The following FOCAD variants were observed in gnomAD, a reference collection of about 807,000 sequenced individuals.
FOCAD encodes the protein KIAA1797.
Under a neutral mutation model 225.6 loss-of-function variants are expected in FOCAD, and 198 were observed. That is an observed-to-expected ratio of 0.88 (90% CI 0.78 to 0.99). The LOEUF (loss-of-function observed/expected upper bound fraction) is 0.99. FOCAD is among the 50% of genes least tolerant of loss of function. FOCAD has a pLI of 0.00. For missense variants in FOCAD, 2,713 were observed against 2,123.6 expected, an observed-to-expected ratio of 1.28 and a Z score of -5.46; for synonymous variants, 897 against 755.0, an observed-to-expected ratio of 1.19 and a Z score of -3.08.
chr9:20,798,400 T>A (rs1216989424), intron 11 of FOCAD, among the ~76,000 whole-genome samples: 1 of 152,174 alleles, frequency 6.6e-6, no homozygotes, highest in Admixed American at 6.5e-5. Context: ...TTCTATTGAT[T>A]GGAATAGTTT....
intron 27 of FOCAD, 75 bp downstream of exon 27, chr9:20,929,671 A>G (rs1835286060): frequency 1.0e-5 from 12 of 1,157,820 alleles, no homozygotes; most frequent in Non-Finnish European, 1.5e-5. Context: ...ATATGCACCT[A>G]TATATAAACA....
At chr9:20,793,779 G>A (rs1269247839) in intron 11 of FOCAD, among the ~76,000 whole-genome samples, 4 of 152,190 alleles carry the variant, frequency 2.6e-5, no homozygotes, top group Non-Finnish European at 4.4e-5. Context: ...GAAGGGCTGT[G>A]AGAGGGGAAT....
intron 1 of FOCAD, among the ~76,000 whole-genome samples, chr9:20,694,887 G>A (rs1823229385): frequency 6.6e-6 from 1 of 152,024 alleles, no homozygotes; most frequent in Non-Finnish European, 1.5e-5. Context: ...TTTCTCAGTT[G>A]GGCCAAGATT....
chr9:20,687,941 A>C (rs1401414263), intron 1 of FOCAD, among the ~76,000 whole-genome samples: 1 of 152,222 alleles, frequency 6.6e-6, no homozygotes, highest in East Asian at 1.9e-4. Context: ...TTGAAGTTTG[A>C]AAGTGAGTAG....
chr9:20,692,533 T>C (rs1301513085), intron 1 of FOCAD, among the ~76,000 whole-genome samples: 1 of 152,196 alleles, frequency 6.6e-6, no homozygotes, highest in East Asian at 1.9e-4. Context: ...TTTGTGATTC[T>C]GTGGTTGGCA....
At chr9:20,770,289 C>G (rs556369166) in intron 8 of FOCAD, 51 bp downstream of exon 8, 7 of 1,476,716 alleles carry the variant, frequency 4.7e-6, no homozygotes, top group African/African-American at 1.4e-5. Flanking sequence ...TAAGAAATAC[C>G]TGAGACTTGG....
chr9:20,787,098 A>G (rs1820000955), intron 10 of FOCAD: 2 of 271,064 alleles, frequency 7.4e-6, no homozygotes, highest in South Asian at 7.2e-5. Context: ...AAACAAACAA[A>G]TAAACAAACA....
At position 20,995,687 on chromosome 9, in the gene FOCAD, A is replaced by G. The variant is rs1842009609; in HGVS notation, c.*58A>G. Reference sequence around the variant, plus strand: ...TGGATGAGGAAAACCATATAAGTGGAAGAAGTTTTTCAGAATTCATGCCTG... The same window carrying G: ...TGGATGAGGAAAACCATATAAGTGGGAGAAGTTTTTCAGAATTCATGCCTG... On this transcript the variant is annotated 3_prime_UTR_variant, in exon 44 of 44. Transcript: ENST00000338382. 6.6e-7 allele frequency: 1 copy of G among 1,516,830 alleles called. No individual in the cohort carries two copies. The highest frequency in any genetic ancestry group is 9.1e-7 in the Non-Finnish European group (1 of 1,094,680). The allele number at this position is 1,516,830 out of a possible 1,614,324, so 94.0% of individuals were successfully genotyped here.
rs765605850 is a variant in FOCAD, at chr9:20,926,453, A to G, written c.3078+36A>G. 3 of 1,297,484 alleles carry G rather than the reference A, an allele frequency of 2.3e-6. No individual in the cohort carries two copies. The South Asian group carries it at 3.5e-5, about 15-fold the overall frequency. The allele number at this position is 1,297,484 out of a possible 1,614,324, so 80.4% of individuals were successfully genotyped here. A position where few individuals can be genotyped will look rare whatever the true frequency, so the allele number is the denominator to read the frequency against. ...AAAATAAAAAATGATCAGAAAACTC[A>G]AGAATTGACTCTTATGACATCAGTT... On this transcript the variant is annotated intron_variant, in intron 26 of 43. Coordinates refer to ENST00000338382, the MANE Select transcript of FOCAD (RefSeq NM_001375567.1).
At chr9:20,847,402 C>T (rs1395475091) in intron 15 of FOCAD, among the ~76,000 whole-genome samples, 1 of 151,628 alleles carries the variant, frequency 6.6e-6, no homozygotes, top group Non-Finnish European at 1.5e-5. Context: ...TATGTTAAGT[C>T]TAAATTCTTA....
intron 22 of FOCAD, among the ~76,000 whole-genome samples, chr9:20,910,264 T>C (rs955693321): frequency 2.0e-5 from 3 of 152,034 alleles, no homozygotes; most frequent in Non-Finnish European, 4.4e-5. Flanking sequence ...GTTACCCTTC[T>C]GGGATGCTGT....
At chr9:20,726,902 C>T (rs892386108) in intron 4 of FOCAD, among the ~76,000 whole-genome samples, 1 of 152,056 alleles carries the variant, frequency 6.6e-6, no homozygotes, top group African/African-American at 2.4e-5. Flanking sequence ...TTTTATTTGG[C>T]AGGAGAAGAA....
chr9:20,804,750 T>C (rs1415794213), intron 11 of FOCAD, among the ~76,000 whole-genome samples: 1 of 151,930 alleles, frequency 6.6e-6, no homozygotes, highest in African/African-American at 2.4e-5. Flanking sequence ...CACCCTTTTA[T>C]GGTCTTTCAA....
rs751117865 is a variant in FOCAD, at chr9:20,944,767, T to C, written c.3548T>C (p.Phe1183Ser). 1 of 1,611,466 alleles carries C rather than the reference T, an allele frequency of 6.2e-7. No individual in the cohort carries two copies. The highest frequency in any genetic ancestry group is 8.5e-7 in the Non-Finnish European group (1 of 1,178,192). Residue 1183 changes from phenylalanine (F) to serine (S), a missense_variant, in exon 29 of 44, where the codon TTT (phenylalanine) becomes TCT (serine). Physicochemically the swap from Phe to Ser is radical, Grantham distance 155 (BLOSUM62 -2). Coordinates refer to ENST00000338382, the MANE Select transcript of FOCAD (RefSeq NM_001375567.1). ...GACAGCGGGAGCCAGAGCAGAACGT[T>C]TCAGGAGGTAAGAGATGGAGGCTAC... The part of the protein sequence containing the change: ...VDDSGSQSRT[F>S]QEVLAYTLSC...
chr9:20,763,041 C>A (rs1402254890), intron 6 of FOCAD, among the ~76,000 whole-genome samples: 1 of 152,206 alleles, frequency 6.6e-6, no homozygotes, highest in Admixed American at 6.5e-5. Context: ...AGACTGTATG[C>A]TTCTTGAGGA....
At chr9:20,880,094 A>G (rs964176244) in intron 19 of FOCAD, among the ~76,000 whole-genome samples, 9 of 152,280 alleles carry the variant, frequency 5.9e-5, no homozygotes, top group African/African-American at 1.7e-4. Flanking sequence ...ATGGCCTGCA[A>G]TCGGATATTA....
At chr9:20,958,687 T>TC (rs1838424464) in intron 35 of FOCAD, among the ~76,000 whole-genome samples, 1 of 152,132 alleles carries the variant, frequency 6.6e-6, no homozygotes, top group Non-Finnish European at 1.5e-5. Flanking sequence ...GTCTCTTTCT[T>TC]CCCCCTGCTC....
At chr9:20,910,891 A>G (rs773911342) in intron 22 of FOCAD, among the ~76,000 whole-genome samples, 1 of 152,080 alleles carries the variant, frequency 6.6e-6, no homozygotes, top group Non-Finnish European at 1.5e-5. Flanking sequence ...CATGAAAACT[A>G]CTTAGTCACA....
At position 20,750,178 on chromosome 9, in the gene FOCAD, A is replaced by G. The variant is rs12006159; in HGVS notation, c.393-7912A>G. On this transcript the variant is annotated intron_variant, in intron 5 of 43. Transcript: ENST00000338382. Reference sequence around the variant, plus strand: ...TTCCCATGATCCTGTTTATTCTGTCATTTGCAACAACATGAATCAACCAGT... The same window carrying G: ...TTCCCATGATCCTGTTTATTCTGTCGTTTGCAACAACATGAATCAACCAGT... Among the ~76,000 whole-genome samples, 891 of 152,248 alleles carry G rather than the reference A, an allele frequency of 5.9e-3. 9 individuals are homozygous for G. Among genetic ancestry groups the G allele is most frequent in the African/African-American group, 0.021 (861 of 41,554 alleles).
Sources: allele counts gnomAD v4.1 joint callset (sites outside exome capture counted in the v4.1 genomes callset), GRCh38; gene constraint gnomAD v4.1.1; transcripts MANE v1.5; gene names NCBI Gene and HGNC (gene_info 2026-07-23, HGNC 2026-07-21).